The following AAMP variants were observed in gnomAD, a reference collection of about 807,000 sequenced individuals.
AAMP encodes angio-associated migratory cell protein.
A neutral mutation model predicts 51.1 loss-of-function variants in AAMP; 12 were observed. That is an observed-to-expected ratio of 0.23 (90% CI 0.15 to 0.38). The LOEUF is 0.38. Among genes scored for constraint, AAMP ranks in the 10% least tolerant of loss-of-function variants. AAMP has a pLI of 1.00. For synonymous variants in AAMP, 210 were observed against 218.7 expected (o/e 0.96, Z 0.35); for missense variants, 418 against 557.2 (o/e 0.75, Z 2.52).
Position 218,266,015 on chromosome 2 carries a change from A to T in AAMP, c.763+49T>A. 2 of 1,609,704 alleles carry T rather than the reference A, an allele frequency of 1.2e-6. No individual in the cohort carries two copies. The highest frequency in any genetic ancestry group is 1.7e-6 in the Non-Finnish European group (2 of 1,176,126). On this transcript the variant is annotated intron_variant, in intron 6 of 10. Coordinates refer to ENST00000248450, the MANE Select transcript of AAMP (RefSeq NM_001087.5). This position sits in a 1 kb window ranked among gnomAD's most constrained non-coding sequence, Gnocchi z 4.7. ...CCTCTGAGTCCTGCCCCAGGTTCTC[A>T]GCCCCTCCCTACAAAGGCCCAGGCT...
chr2:218,269,272 C>CCA (rs1690720254), intron 2 of AAMP, 110 bp downstream of exon 2: 1 of 1,428,682 alleles, frequency 7.0e-7, no homozygotes, highest in Non-Finnish European at 9.7e-7. Context: ...CAGCGCAAGG[C>CCA]CAGCATCTTG....
rs753489233 is a variant in AAMP, at chr2:218,265,852, C to A, written c.858G>T (p.Leu286=). 36 of 1,613,300 alleles carry A rather than the reference C, an allele frequency of 2.2e-5. No individual in the cohort carries two copies. Among genetic ancestry groups the A allele is most frequent in the Non-Finnish European group, 3.1e-5 (36 of 1,179,776 alleles). ...LTGSVDCQAK[L]VSATTGKVVG... The stretch of plus-strand genomic sequence containing the variant: ...TCACCTTGCCGGTGGTGGCACTGAC[C>A]AGCTTGGCCTGGCAGTCCACAGAGC... The change falls in exon 7 of 11, where the codon CTG becomes CTT. Residue 286 remains leucine (L), a synonymous_variant. Coordinates refer to ENST00000248450, the MANE Select transcript of AAMP (RefSeq NM_001087.5). The surrounding 1 kb of genome is among the most constrained non-coding windows in gnomAD (Gnocchi z 6.6).
In AAMP at chr2:218,267,640, A is replaced by G. The variant is rs1290724618; in HGVS notation, c.275-27T>C. On this transcript the variant is annotated intron_variant, in intron 2 of 10. Transcript: ENST00000248450. This position sits in a 1 kb window ranked among gnomAD's most constrained non-coding sequence, Gnocchi z 4.6. The stretch of plus-strand genomic sequence containing the variant: ...TGTCCCAAGAGATATTCCATGGGTA[A>G]GGGGACAGAGCTCCCACCTAGGGCT... The G allele has an allele frequency of 1.2e-6, 2 of 1,614,040 alleles. No homozygotes were observed. Among genetic ancestry groups the G allele is most frequent in the Non-Finnish European group, 8.5e-7 (1 of 1,179,932 alleles).
In AAMP at chr2:218,267,017, A is replaced by G. The variant is rs1241619595; in HGVS notation, c.395-31T>C. ...AAGAAAAGTGGGCAGAAAACAGAGG[A>G]AAAAAATAGGGTACCTGGTGCTGGG... On this transcript the variant is annotated intron_variant, in intron 3 of 10. Transcript: ENST00000248450. The surrounding 1 kb of genome is among the most constrained non-coding windows in gnomAD (Gnocchi z 4.6). 5 of 1,609,296 alleles carry G rather than the reference A, an allele frequency of 3.1e-6. No individual in the cohort carries two copies. Among genetic ancestry groups the G allele is most frequent in the East Asian group, 4.5e-5 (2 of 44,754 alleles).
rs1378430492 is a variant in AAMP at position 218,267,497 on chromosome 2, C to T, written c.391G>A (p.Ala131Thr). ...GCCTCTACCCCAGCCCCCTCACCTG[C>T]ACACTCAAAGAGCAGCTCCCCATCG... is the stretch of plus-strand genomic sequence containing the variant. ...LSDGELLFEC[A>T]GHKDSVTCAG... Residue 131 changes from alanine to threonine, a missense_variant, in exon 3 of 11, where the codon GCA becomes ACA. Ala to Thr is a moderately conservative substitution (Grantham distance 58). Coordinates refer to ENST00000248450, the MANE Select transcript of AAMP (RefSeq NM_001087.5). The surrounding 1 kb of genome is among the most constrained non-coding windows in gnomAD (Gnocchi z 4.6). The T allele has an allele frequency of 3.1e-6, 5 of 1,614,052 alleles. No homozygotes were observed. Among genetic ancestry groups the T allele is most frequent in the Non-Finnish European group, 4.2e-6 (5 of 1,180,040 alleles).
At position 218,267,291 on chromosome 2, in the gene AAMP, G is replaced by T; in HGVS notation, c.394+203C>A. 1.3e-6 allele frequency: 1 copy of T among 797,896 alleles called. No individual in the cohort carries two copies. The highest frequency in any genetic ancestry group is 2.0e-6 in the Non-Finnish European group (1 of 506,934). 49.4% of individuals were successfully genotyped at this position (797,896 alleles called of 1,614,324 possible). ...AATGTGGCCTTCTCTGGCCTTTCCT[G>T]GATTCCCTTGGCCAATTAGTGCCTC... On this transcript the variant is annotated intron_variant, in intron 3 of 10. Coordinates refer to ENST00000248450, the MANE Select transcript of AAMP (RefSeq NM_001087.5). The surrounding 1 kb of genome is among the most constrained non-coding windows in gnomAD (Gnocchi z 4.6).
chr2:218,265,321 C>T lies in AAMP; in HGVS notation c.1074+50G>A. On this transcript the variant is annotated intron_variant, in intron 9 of 10. Coordinates refer to ENST00000248450, the MANE Select transcript of AAMP (RefSeq NM_001087.5). The surrounding 1 kb of genome is among the most constrained non-coding windows in gnomAD (Gnocchi z 6.6). The stretch of plus-strand genomic sequence containing the variant: ...GATGCTCCTGGAGGCCTGGGCTTCC[C>T]CACCACTATGGACACAGCCCACAGG... 2.0e-6 allele frequency: 3 copies of T among 1,532,148 alleles called. No individual in the cohort carries two copies. Among genetic ancestry groups the T allele is most frequent in the East Asian group, 4.9e-5 (2 of 41,178 alleles). 94.9% of individuals were successfully genotyped at this position (1,532,148 alleles called of 1,614,324 possible).
In AAMP at chr2:218,265,990, CCT is replaced by C. The variant is rs781263020; in HGVS notation, c.764-46_764-45del. 3.3e-4 allele frequency: 525 copies of C among 1,608,512 alleles called. 1 individual carries two copies. Among genetic ancestry groups the C allele is most frequent in the Non-Finnish European group, 6.0e-5 (71 of 1,175,098 alleles). On this transcript the variant is annotated intron_variant, in intron 6 of 10. Transcript: ENST00000248450. The surrounding 1 kb of genome is among the most constrained non-coding windows in gnomAD (Gnocchi z 6.6). ...GCAGCTCAGGCTTCGTCCTACCTCC[CCT>C]CTGAGTCCTGCCCCAGGTTCTCAGC...
intron 1 of AAMP, 49 bp from the exon 2 acceptor site, chr2:218,269,583 G>GT (rs1315741107): frequency 1.2e-6 from 2 of 1,613,716 alleles, no homozygotes; most frequent in South Asian, 1.1e-5. Context: ...GCGGTAAGAG[G>GT]TACGGAGAGA....
In AAMP at chr2:218,267,796, C is replaced by T. The variant is rs1164558359; in HGVS notation, c.275-183G>A. Among the ~76,000 whole-genome samples, 1 of 152,120 alleles carries T rather than the reference C, an allele frequency of 6.6e-6. No individual in the cohort carries two copies. Among genetic ancestry groups the T allele is most frequent in the Non-Finnish European group, 1.5e-5 (1 of 68,028 alleles). The stretch of plus-strand genomic sequence containing the variant: ...GTTGTTAGATCCTTCCCATATTTGC[C>T]AAGCTCCCTATTTGCCAGAGTAGAT... On this transcript the variant is annotated intron_variant, in intron 2 of 10. Transcript: ENST00000248450. The surrounding 1 kb of genome is among the most constrained non-coding windows in gnomAD (Gnocchi z 4.6).
intron 2 of AAMP, among the ~76,000 whole-genome samples, chr2:218,268,481 G>A (rs972657239): frequency 2.0e-5 from 3 of 151,964 alleles, no homozygotes; most frequent in South Asian, 2.1e-4. Flanking sequence ...TGGGATTACA[G>A]GCACATGCCA....
intron 10 of AAMP, 87 bp downstream of exon 10, chr2:218,264,933 C>A: frequency 6.3e-7 from 1 of 1,582,180 alleles, no homozygotes; most frequent in South Asian, 1.1e-5. Flanking sequence ...GGAATCCCTT[C>A]CCACACCCCA....
At chr2:218,264,657 C>G (rs200361822) in intron 10 of AAMP, 49 bp from the exon 11 acceptor site, 16 of 1,557,792 alleles carry the variant, frequency 1.0e-5, no homozygotes, top group Non-Finnish European at 1.3e-5. Flanking sequence ...CCCAAGCCCA[C>G]CACCTAGGGG....
At position 218,265,954 on chromosome 2, in the gene AAMP, A is replaced by G. The variant is rs187492141; in HGVS notation, c.764-8T>C. The G allele has an allele frequency of 4.3e-6, 7 of 1,612,980 alleles. No homozygotes were observed. In the African/African-American group the frequency reaches 8.0e-5, roughly 18 times the overall value. ...CCTGGTGACCCTCAGTCCCTAGCATAGAGCAGGGAGGCAGCTCAGGCTTCG... is the reference window on the plus strand; with the variant it reads ...CCTGGTGACCCTCAGTCCCTAGCATGGAGCAGGGAGGCAGCTCAGGCTTCG... On this transcript the variant is annotated splice_region_variant and splice_polypyrimidine_tract_variant and intron_variant, in intron 6 of 10. Transcript: ENST00000248450. This position sits in a 1 kb window ranked among gnomAD's most constrained non-coding sequence, Gnocchi z 6.6.
At position 218,265,750 on chromosome 2, in the gene AAMP, G is replaced by T. The variant is rs571922749; in HGVS notation, c.880-68C>A. On this transcript the variant is annotated intron_variant, in intron 7 of 10. Coordinates refer to ENST00000248450, the MANE Select transcript of AAMP (RefSeq NM_001087.5). This position sits in a 1 kb window ranked among gnomAD's most constrained non-coding sequence, Gnocchi z 6.6. ...GCTTGATGGAGAGAAAGACGGTGGG[G>T]AGAGGAGACAGTGAAGACCCAGGAA... 1 of 1,575,308 alleles carries T rather than the reference G, an allele frequency of 6.3e-7. No homozygotes were observed. The highest frequency in any genetic ancestry group is 8.7e-7 in the Non-Finnish European group (1 of 1,147,966).
chr2:218,265,607 A>C lies in AAMP; in HGVS notation c.955T>G (p.Ser319Ala). 1 of 1,613,858 alleles carries C rather than the reference A, an allele frequency of 6.2e-7. No individual in the cohort carries two copies. The highest frequency in any genetic ancestry group is 8.5e-7 in the Non-Finnish European group (1 of 1,179,964). ...CTGCAGAAGCCCAAGGACTCCACCG[A>C]GTTGGACTCACTCTCCTCCCCTTCT... ...LGEGEESESN[S>A]VESLGFCSVM... The change falls in exon 8 of 11, where the codon TCG becomes GCG. Residue 319 changes from serine (S) to alanine (A), a missense_variant. By Grantham distance (99) the Ser-to-Ala change is moderately conservative (BLOSUM62 1). Coordinates refer to ENST00000248450, the MANE Select transcript of AAMP (RefSeq NM_001087.5). The surrounding 1 kb of genome is among the most constrained non-coding windows in gnomAD (Gnocchi z 6.6).
In AAMP at chr2:218,266,689, C is replaced by T. The variant is rs1325605863; in HGVS notation, c.535-102G>A. 6 of 1,554,006 alleles carry T rather than the reference C, an allele frequency of 3.9e-6. No homozygotes were observed. The highest frequency in any genetic ancestry group is 1.2e-5 in the South Asian group (1 of 83,146). Reference sequence around the variant, plus strand: ...AAGGTTTCCTGCCTCTGGGGTTCCGCGGGGACTTTCCAGGTAGCAGGTAGA... The same window carrying T: ...AAGGTTTCCTGCCTCTGGGGTTCCGTGGGGACTTTCCAGGTAGCAGGTAGA... On this transcript the variant is annotated intron_variant, in intron 4 of 10. Transcript: ENST00000248450. This position sits in a 1 kb window ranked among gnomAD's most constrained non-coding sequence, Gnocchi z 4.7.
chr2:218,264,805 GA>G (rs1248504744), intron 10 of AAMP, among the ~76,000 whole-genome samples, 197 bp from the exon 11 acceptor site: 2 of 152,184 alleles, frequency 1.3e-5, no homozygotes, highest in African/African-American at 4.8e-5. Flanking sequence ...CTCCGATGGG[GA>G]AAATCAGTCT....
Position 218,266,687 on chromosome 2 carries a change from C to T in AAMP, c.535-100G>A, listed in dbSNP as rs966102520. The T allele has an allele frequency of 4.2e-5, 65 of 1,554,056 alleles. No individual in the cohort carries two copies. Among genetic ancestry groups the T allele is most frequent in the East Asian group, 2.0e-4 (9 of 44,236 alleles). ...CCAAGGTTTCCTGCCTCTGGGGTTC[C>T]GCGGGGACTTTCCAGGTAGCAGGTA... On this transcript the variant is annotated intron_variant, in intron 4 of 10. Transcript: ENST00000248450. This position sits in a 1 kb window ranked among gnomAD's most constrained non-coding sequence, Gnocchi z 4.7.
Sources: allele counts gnomAD v4.1 joint callset (sites outside exome capture counted in the v4.1 genomes callset), GRCh38; gene constraint gnomAD v4.1.1; non-coding constraint Gnocchi (gnomAD v3.1); transcripts MANE v1.5; gene names NCBI Gene and HGNC (gene_info 2026-07-23, HGNC 2026-07-21).